The following GRID2 variants were observed in gnomAD, a reference collection of about 807,000 sequenced individuals.
GRID2 encodes the protein glutamate ionotropic receptor delta type subunit 2, also known as glutamate receptor ionotropic, delta-2.
Under a neutral mutation model 114.8 loss-of-function variants are expected in GRID2, and 33 were observed. The observed-to-expected ratio is 0.29, with a 90% CI of 0.22 to 0.38. The LOEUF (loss-of-function observed/expected upper bound fraction) is 0.38. Among genes scored for constraint, GRID2 ranks in the 10% least tolerant of loss-of-function variants. The probability of loss-of-function intolerance (pLI) is 1.00; values close to 1 mark genes in which losing one functional copy is unlikely to be tolerated. For synonymous variants in GRID2, 505 were observed against 449.9 expected (o/e 1.12, Z -1.55); for missense variants, 1,184 against 1,257.7 (o/e 0.94, Z 0.89).
intron 2 of GRID2, among the ~76,000 whole-genome samples, chr4:93,046,966 A>G (rs1192276521): frequency 6.6e-6 from 1 of 151,980 alleles, no homozygotes; most frequent in Non-Finnish European, 1.5e-5. Flanking sequence ...CATGTAATCA[A>G]TGTGGACATT....
intron 2 of GRID2, among the ~76,000 whole-genome samples, chr4:92,873,082 G>A (rs1048643577): frequency 5.3e-5 from 8 of 152,038 alleles, no homozygotes; most frequent in African/African-American, 1.7e-4. Flanking sequence ...TAAAGAAATT[G>A]GACTATGATA....
intron 2 of GRID2, among the ~76,000 whole-genome samples, chr4:93,079,189 T>C (rs912200027): frequency 1.3e-5 from 2 of 151,822 alleles, no homozygotes; most frequent in Non-Finnish European, 2.9e-5. Context: ...ACATCAATGA[T>C]GGTAGAATCA....
chr4:92,828,510 T>G (rs1671042219), intron 2 of GRID2, among the ~76,000 whole-genome samples: 2 of 152,208 alleles, frequency 1.3e-5, no homozygotes, highest in African/African-American at 4.8e-5. Context: ...TAAGGTAGAT[T>G]TGTCAGAATC....
intron 2 of GRID2, among the ~76,000 whole-genome samples, chr4:92,651,127 G>C (rs565328105): frequency 8.5e-5 from 13 of 152,186 alleles, no homozygotes; most frequent in African/African-American, 3.1e-4. Context: ...ATAGATGGTA[G>C]TTTTGGCAGA....
At chr4:93,535,965 C>A (rs971414056) in intron 13 of GRID2, among the ~76,000 whole-genome samples, 2 of 151,732 alleles carry the variant, frequency 1.3e-5, no homozygotes, top group Non-Finnish European at 2.9e-5. Context: ...CCAAAAATAT[C>A]TTAACATAAA....
chr4:92,833,893 C>G (rs1313540365), intron 2 of GRID2: 3 of 152,168 alleles, frequency 2.0e-5, no homozygotes, highest in African/African-American at 7.2e-5. Context: ...GAGCCAACAC[C>G]AGCACATTTT....
intron 2 of GRID2, among the ~76,000 whole-genome samples, chr4:92,715,399 C>T (rs530119189): frequency 4.1e-4 from 62 of 152,292 alleles, no homozygotes; most frequent in South Asian, 2.1e-3. Context: ...CCAAACGGTT[C>T]TAACTTCTGC....
At chr4:92,597,978 T>C (rs1468315683) in intron 2 of GRID2, among the ~76,000 whole-genome samples, 2 of 152,194 alleles carry the variant, frequency 1.3e-5, no homozygotes, top group Non-Finnish European at 2.9e-5. Flanking sequence ...GTTTACCTGG[T>C]TAATTTTAGA....
chr4:92,960,020 A>T (rs1043022849), intron 2 of GRID2, among the ~76,000 whole-genome samples: 1 of 151,772 alleles, frequency 6.6e-6, no homozygotes, highest in Non-Finnish European at 1.5e-5. Context: ...AAAAAAGGAG[A>T]GAAGAGAAAA....
chr4:92,489,292 A>C (rs1444182118), intron 1 of GRID2, among the ~76,000 whole-genome samples: 1 of 152,342 alleles, frequency 6.6e-6, no homozygotes, highest in East Asian at 1.9e-4. Flanking sequence ...AGATATTTTT[A>C]AAACATCCAT....
chr4:93,518,699 T>G (rs763837216), intron 13 of GRID2, among the ~76,000 whole-genome samples: 2 of 152,050 alleles, frequency 1.3e-5, no homozygotes, highest in Non-Finnish European at 2.9e-5. Context: ...TCTGCTTTAT[T>G]AAATCAGGTA....
chr4:93,760,287 T>G (rs1408101274), intron 14 of GRID2, among the ~76,000 whole-genome samples: 4 of 152,190 alleles, frequency 2.6e-5, no homozygotes, highest in Non-Finnish European at 5.9e-5. Flanking sequence ...GTACTCTGAA[T>G]AAAGTTCACA....
chr4:92,547,220 G>T (rs1364521186), intron 1 of GRID2, among the ~76,000 whole-genome samples: 1 of 152,054 alleles, frequency 6.6e-6, no homozygotes, highest in Non-Finnish European at 1.5e-5. Context: ...AATAATACTT[G>T]TATATAGACT....
chr4:92,518,780 T>C (rs997180440), intron 1 of GRID2, among the ~76,000 whole-genome samples: 3 of 151,952 alleles, frequency 2.0e-5, no homozygotes, highest in African/African-American at 7.2e-5. Flanking sequence ...TGCAGTCATT[T>C]ACTAGAATAT....
At chr4:93,400,738 T>A (rs1765800623) in intron 9 of GRID2, among the ~76,000 whole-genome samples, 1 of 152,118 alleles carries the variant, frequency 6.6e-6, no homozygotes, top group Non-Finnish European at 1.5e-5. Flanking sequence ...TTTACCTACT[T>A]TGATTGGCCT....
chr4:93,533,796 T>C (rs1185680083), intron 13 of GRID2, among the ~76,000 whole-genome samples: 1 of 152,104 alleles, frequency 6.6e-6, no homozygotes, highest in Non-Finnish European at 1.5e-5. Context: ...AATAGCTTTC[T>C]ACCAAGTCTT....
chr4:93,362,044 A>C (rs1761931362), intron 8 of GRID2, among the ~76,000 whole-genome samples: 1 of 152,044 alleles, frequency 6.6e-6, no homozygotes, highest in Non-Finnish European at 1.5e-5. Flanking sequence ...TGGGCTGTTA[A>C]ATCAATCCAG....
chr4:93,552,036 C>T (rs1733804916), intron 13 of GRID2, among the ~76,000 whole-genome samples: 1 of 136,982 alleles, frequency 7.3e-6, no homozygotes, highest in Admixed American at 7.5e-5. Context: ...CCCCCTCCCC[C>T]ACCCCACAAC....
At chr4:93,474,115 C>T (rs1206102892) in intron 11 of GRID2, among the ~76,000 whole-genome samples, 1 of 151,908 alleles carries the variant, frequency 6.6e-6, no homozygotes, top group African/African-American at 2.4e-5. Flanking sequence ...ATTTATAATT[C>T]CAATACTGGG....
Sources: gnomAD v4.1 joint callset for allele counts (sites outside exome capture counted in the v4.1 genomes callset) on GRCh38, gnomAD v4.1.1 for gene constraint, MANE v1.5 for transcripts, NCBI Gene and HGNC (gene_info 2026-07-23, HGNC 2026-07-21) for gene names.